Variants in FSTL4 observed in about 807,000 individuals in gnomAD.
FSTL4 encodes the protein follistatin-related protein 4.
In FSTL4, 28 loss-of-function variants were observed where a neutral mutation model predicts 78.2. The observed-to-expected ratio is 0.36, with a 90% CI of 0.27 to 0.49. The LOEUF (loss-of-function observed/expected upper bound fraction) is 0.49. Ranked by LOEUF, FSTL4 falls within the 20% of genes least tolerant of loss-of-function variation. The pLI is 0.98. For synonymous variants in FSTL4, 422 were observed against 440.5 expected (o/e 0.96, Z 0.53); for missense variants, 922 against 1,084.9 (o/e 0.85, Z 2.11).
At chr5:133,499,888 C>T (rs566244026) in intron 3 of FSTL4, among the ~76,000 whole-genome samples, 69 of 152,242 alleles carry the variant, frequency 4.5e-4, no homozygotes, top group Admixed American at 1.5e-3. Context: ...TTCATTTATT[C>T]GATCAACCAA....
At chr5:133,713,741 T>C in the FSTL4 span, among the ~76,000 whole-genome samples, 3 of 152,198 alleles carry the variant, frequency 2.0e-5, no homozygotes, top group African/African-American at 7.2e-5. Context: ...TCTCTCTGTC[T>C]AAGCAAGATC....
the FSTL4 span, among the ~76,000 whole-genome samples, chr5:133,801,218 C>A: frequency 1.3e-5 from 2 of 152,190 alleles, no homozygotes; most frequent in African/African-American, 2.4e-5. Flanking sequence ...GTCTCTGAAC[C>A]AACAGCTTCC....
At chr5:133,227,696 G>A (rs1435768846) in intron 8 of FSTL4, among the ~76,000 whole-genome samples, 2 of 152,064 alleles carry the variant, frequency 1.3e-5, no homozygotes, top group African/African-American at 4.8e-5. Flanking sequence ...CTTAAAGAAA[G>A]AAGAAGAATC....
chr5:133,685,536 A>G, the FSTL4 span, among the ~76,000 whole-genome samples: 5 of 152,240 alleles, frequency 3.3e-5, no homozygotes, highest in African/African-American at 1.2e-4. Flanking sequence ...GAGACAGTGA[A>G]GTGCTGCATT....
intron 13 of FSTL4, among the ~76,000 whole-genome samples, chr5:133,211,948 C>T (rs150568428): frequency 1.7e-3 from 260 of 152,256 alleles, no homozygotes; most frequent in African/African-American, 6.2e-3. Flanking sequence ...TGAAGTCTCC[C>T]TTTACTCTCT....
At chr5:133,817,126 C>T in the FSTL4 span, among the ~76,000 whole-genome samples, 1 of 152,252 alleles carries the variant, frequency 6.6e-6, no homozygotes, top group Non-Finnish European at 1.5e-5. Context: ...TTCACTACCC[C>T]GCTGTGTTAA....
At chr5:133,806,367 A>G in the FSTL4 span, among the ~76,000 whole-genome samples, 4 of 152,344 alleles carry the variant, frequency 2.6e-5, no homozygotes, top group East Asian at 5.8e-4. Flanking sequence ...TAGGCACTCA[A>G]TTACAGAGGT....
At chr5:133,721,486 C>T in the FSTL4 span, among the ~76,000 whole-genome samples, 1 of 152,306 alleles carries the variant, frequency 6.6e-6, no homozygotes, top group East Asian at 1.9e-4. Context: ...ATTCCTTCAG[C>T]TTTTCCTTAT....
chr5:133,250,236 C>T (rs1284938112), intron 6 of FSTL4, among the ~76,000 whole-genome samples: 3 of 152,218 alleles, frequency 2.0e-5, no homozygotes, highest in African/African-American at 7.2e-5. Flanking sequence ...ACTGATCATT[C>T]TTCAGGCAAA....
chr5:133,729,803 G>T, the FSTL4 span, among the ~76,000 whole-genome samples: 3 of 152,176 alleles, frequency 2.0e-5, no homozygotes, highest in African/African-American at 4.8e-5. Flanking sequence ...CCTGCCCTTT[G>T]TATTACCCCA....
chr5:133,754,313 CAAT>C, the FSTL4 span, among the ~76,000 whole-genome samples: 1 of 152,118 alleles, frequency 6.6e-6, no homozygotes, highest in African/African-American at 2.4e-5. Flanking sequence ...ATAGAACTGA[CAAT>C]GATTAAAATT....
At chr5:133,476,176 G>A (rs1381680281) in intron 3 of FSTL4, among the ~76,000 whole-genome samples, 1 of 152,196 alleles carries the variant, frequency 6.6e-6, no homozygotes, top group Admixed American at 6.5e-5. Flanking sequence ...GAGGCTTGCT[G>A]AACAGCTAAA....
chr5:133,274,670 C>T (rs905449715), intron 6 of FSTL4, among the ~76,000 whole-genome samples: 13 of 152,106 alleles, frequency 8.5e-5, no homozygotes, highest in Admixed American at 5.2e-4. Flanking sequence ...CTAATCCTTC[C>T]GTCAACACAG....
chr5:133,798,113 C>T, the FSTL4 span, among the ~76,000 whole-genome samples: 11 of 152,324 alleles, frequency 7.2e-5, no homozygotes, highest in South Asian at 2.3e-3. Flanking sequence ...TGTGGCCCTC[C>T]ACTCATCTGT....
At chr5:133,396,476 G>C (rs866172817) in intron 4 of FSTL4, among the ~76,000 whole-genome samples, 10 of 152,200 alleles carry the variant, frequency 6.6e-5, no homozygotes, top group Admixed American at 3.3e-4. Flanking sequence ...TGCTCCAGCA[G>C]AGTTACACTA....
chr5:133,380,804 A>G (rs1755549265), intron 4 of FSTL4, among the ~76,000 whole-genome samples: 1 of 146,332 alleles, frequency 6.8e-6, no homozygotes, highest in Non-Finnish European at 1.5e-5. Context: ...AGCAATATAT[A>G]AAATATATAT....
chr5:133,217,403 T>G, intron 12 of FSTL4, 25 bp from the exon 13 acceptor site: 1 of 1,611,250 alleles, frequency 6.2e-7, no homozygotes, highest in Non-Finnish European at 8.5e-7. Flanking sequence ...GGCTGTCATA[T>G]ATCTTCTTAA....
At chr5:133,300,005 G>A (rs893465122) in intron 6 of FSTL4, among the ~76,000 whole-genome samples, 1 of 152,144 alleles carries the variant, frequency 6.6e-6, no homozygotes, top group African/African-American at 2.4e-5. Context: ...CTTCTGCCAC[G>A]GAACATTCCA....
At chr5:133,643,580 G>C in the FSTL4 span, among the ~76,000 whole-genome samples, 1 of 152,090 alleles carries the variant, frequency 6.6e-6, no homozygotes, top group South Asian at 2.1e-4. Context: ...ACACTATCAC[G>C]GTGGTCCTCT....
Sources: allele counts gnomAD v4.1 joint callset (sites outside exome capture counted in the v4.1 genomes callset), GRCh38; gene constraint gnomAD v4.1.1; transcripts MANE v1.5; gene names NCBI Gene and HGNC (gene_info 2026-07-23, HGNC 2026-07-21).